The following RANBP2 variants were observed in gnomAD, a reference collection of about 807,000 sequenced individuals.
The protein encoded by RANBP2 is E3 SUMO-protein ligase RanBP2.
A neutral mutation model predicts 303.6 loss-of-function variants in RANBP2; 57 were observed. That is an observed-to-expected ratio of 0.19 (90% confidence interval 0.15 to 0.23). The LOEUF is 0.23. RANBP2 is among the 10% of genes least tolerant of loss of function. RANBP2 has a pLI of 1.00. For missense variants in RANBP2, 3,138 were observed against 3,780.8 expected (o/e 0.83, Z 4.46); for synonymous variants, 1,167 against 1,301.5 (o/e 0.90, Z 2.23).
At chr2:109,637,003 G>A in the RANBP2 span, among the ~76,000 whole-genome samples, 2 of 152,290 alleles carry the variant, frequency 1.3e-5, no homozygotes, top group African/African-American at 4.8e-5. Context: ...CGGTCTCTGA[G>A]TTCCCTCTGT....
intron 1 of RANBP2, among the ~76,000 whole-genome samples, chr2:108,728,595 TATGATGATGATG>T (rs56238649): frequency 1.7e-4 from 25 of 145,720 alleles, no homozygotes; most frequent in South Asian, 4.5e-4. Context: ...CCAGCTTATT[TATGATGATGATG>T]ATGATGATGA....
the RANBP2 span, among the ~76,000 whole-genome samples, chr2:109,173,495 G>A: frequency 2.0e-5 from 3 of 152,300 alleles, no homozygotes; most frequent in East Asian, 1.9e-4. Flanking sequence ...TTTAAGGCTG[G>A]GGTTGGCACA....
the RANBP2 span, among the ~76,000 whole-genome samples, chr2:108,821,229 G>A: frequency 2.0e-5 from 3 of 152,050 alleles, no homozygotes; most frequent in Non-Finnish European, 4.4e-5. Context: ...ATGGTCATAC[G>A]TGCCTGTAAT....
the RANBP2 span, chr2:109,129,731 T>C: frequency 1.3e-6 from 2 of 1,538,886 alleles, no homozygotes; most frequent in South Asian, 1.2e-5. Flanking sequence ...CTGGAGCGCC[T>C]GGACACCACG....
the RANBP2 span, among the ~76,000 whole-genome samples, chr2:109,485,803 C>T: frequency 2.6e-5 from 4 of 152,228 alleles, no homozygotes; most frequent in Admixed American, 6.5e-5. Flanking sequence ...GTCAGTGTTC[C>T]GTGCCTGGGC....
At chr2:109,347,547 G>A in the RANBP2 span, 7 of 1,277,280 alleles carry the variant, frequency 5.5e-6, no homozygotes, top group Admixed American at 8.4e-5. Context: ...TTCCACTTGC[G>A]GGGCACTCTG....
At chr2:108,884,202 C>A in the RANBP2 span, 1 of 152,570 alleles carries the variant, frequency 6.6e-6, no homozygotes, top group South Asian at 2.0e-4. Flanking sequence ...TGCACCTGCC[C>A]AATGATGTGA....
At chr2:109,452,932 G>A in the RANBP2 span, among the ~76,000 whole-genome samples, 2 of 145,944 alleles carry the variant, frequency 1.4e-5, no homozygotes, top group Non-Finnish European at 3.0e-5. Flanking sequence ...GGCTGGTCCC[G>A]GGAGGCTGGT....
the RANBP2 span, among the ~76,000 whole-genome samples, chr2:109,297,786 C>T: frequency 0.011 from 1,594 of 151,582 alleles, 32 homozygotes; most frequent in African/African-American, 0.036. Context: ...TCATTGCCCC[C>T]AACTAGGTCA....
At chr2:109,418,596 A>T in the RANBP2 span, among the ~76,000 whole-genome samples, 1 of 151,968 alleles carries the variant, frequency 6.6e-6, no homozygotes, top group Non-Finnish European at 1.5e-5. Flanking sequence ...AAGGATACTC[A>T]TCATTGGATT....
chr2:108,756,717 C>T (rs1315706193), intron 17 of RANBP2, among the ~76,000 whole-genome samples: 1 of 152,188 alleles, frequency 6.6e-6, no homozygotes, highest in Admixed American at 6.5e-5. Context: ...AGTACTGACT[C>T]TGCCATTAAT....
the RANBP2 span, among the ~76,000 whole-genome samples, chr2:109,000,576 A>C: frequency 2.0e-5 from 3 of 152,130 alleles, no homozygotes; most frequent in Admixed American, 1.3e-4. Context: ...AACATAAATA[A>C]AAAGTAAAGC....
chr2:109,228,468 C>T, the RANBP2 span, among the ~76,000 whole-genome samples: 2 of 152,190 alleles, frequency 1.3e-5, no homozygotes, highest in Admixed American at 6.5e-5. Flanking sequence ...TTTTGCCACA[C>T]CAAGCAATTC....
the RANBP2 span, chr2:108,873,549 G>GA: frequency 6.2e-6 from 10 of 1,610,490 alleles, no homozygotes; most frequent in South Asian, 8.9e-5. Context: ...TCAAATACTA[G>GA]AAAAACTCAG....
At chr2:109,035,028 G>A in the RANBP2 span, among the ~76,000 whole-genome samples, 2 of 152,206 alleles carry the variant, frequency 1.3e-5, no homozygotes, top group Non-Finnish European at 2.9e-5. Context: ...ACCCAGTGCT[G>A]GAGAGCTATC....
At chr2:108,897,056 G>A in the RANBP2 span, 8 of 1,614,018 alleles carry the variant, frequency 5.0e-6, no homozygotes, top group African/African-American at 2.7e-5. Flanking sequence ...GTGCTGATGC[G>A]GTCAAAGAGT....
At chr2:108,827,693 G>C in the RANBP2 span, among the ~76,000 whole-genome samples, 5 of 151,916 alleles carry the variant, frequency 3.3e-5, no homozygotes, top group Admixed American at 6.6e-5. Context: ...GCAGGAGCTT[G>C]TAGTCCCAGC....
the RANBP2 span, among the ~76,000 whole-genome samples, chr2:109,039,913 G>A: frequency 6.6e-6 from 1 of 151,714 alleles, no homozygotes; most frequent in African/African-American, 2.4e-5. Flanking sequence ...GTATTCCCTT[G>A]CAGCTTGCCT....
At chr2:109,720,852 C>T in the RANBP2 span, among the ~76,000 whole-genome samples, 1 of 152,228 alleles carries the variant, frequency 6.6e-6, no homozygotes, top group African/African-American at 2.4e-5. Context: ...GGCAAAAGCC[C>T]TCCCTCTCCT....
Sources: allele counts gnomAD v4.1 joint callset (sites outside exome capture counted in the v4.1 genomes callset), GRCh38; gene constraint gnomAD v4.1.1; transcripts MANE v1.5; gene names NCBI Gene and HGNC (gene_info 2026-07-23, HGNC 2026-07-21).